SKI: variants seen among roughly 807,000 people sequenced by gnomAD.
SKI encodes ski oncogene.
SKI carries 23 observed loss-of-function variants against 59.3 expected under a neutral mutation model. The ratio of observed to expected loss-of-function variants is 0.39; its 90% CI spans 0.28 to 0.55. SKI has a LOEUF of 0.55. SKI is among the 20% of genes least tolerant of loss of function. The probability of loss-of-function intolerance (pLI) is 0.67; values close to 1 mark genes in which losing one functional copy is unlikely to be tolerated. For missense variants in SKI, 1,017 were observed against 1,038.9 expected (o/e 0.98, Z 0.29); for synonymous variants, 673 against 488.6 (o/e 1.38, Z -4.98).
At chr1:2,258,017 C>G (rs1193352091) in intron 1 of SKI, among the ~76,000 whole-genome samples, 1 of 152,196 alleles carries the variant, frequency 6.6e-6, no homozygotes, top group Non-Finnish European at 1.5e-5. Context: ...GGATTACAGG[C>G]TTGATCCACT....
rs184016517 is a variant in SKI, at chr1:2,249,784, T to G, written c.969+20049T>G. 1.2e-4 allele frequency among the ~76,000 whole-genome samples: 18 copies of G among 152,330 alleles called. 1 individual carries two copies. The East Asian group carries it at 3.5e-3, about 29-fold the overall frequency. ...CCACAGGTTTTGTTGGATTCGTCAA[T>G]TATGACCCAGGTTGTTGAACTGGAA... On this transcript the variant is annotated intron_variant, in intron 1 of 6. Transcript: ENST00000378536.
intron 6 of SKI, 52 bp from the exon 7 acceptor site, chr1:2,306,525 G>A: frequency 6.6e-7 from 1 of 1,515,802 alleles, no homozygotes; most frequent in Admixed American, 2.0e-5. Flanking sequence ...AGCAGCGTCG[G>A]GCCGGGGCAG....
chr1:2,272,484 A>G (rs1639646652), intron 1 of SKI, among the ~76,000 whole-genome samples: 2 of 152,206 alleles, frequency 1.3e-5, no homozygotes, highest in South Asian at 4.1e-4. Context: ...ACTGAATGGC[A>G]GTGGCCGTCC....
At chr1:2,278,311 G>A (rs1557835469) in intron 1 of SKI, among the ~76,000 whole-genome samples, 1 of 152,220 alleles carries the variant, frequency 6.6e-6, no homozygotes, top group Non-Finnish European at 1.5e-5. Context: ...GGCTTGGCTG[G>A]GCCTTACCTT....
intron 1 of SKI, among the ~76,000 whole-genome samples, chr1:2,277,666 C>T (rs2100865781): frequency 6.6e-6 from 1 of 152,150 alleles, no homozygotes; most frequent in Non-Finnish European, 1.5e-5. Context: ...GCGCACACAC[C>T]TGCACTCACA....
intron 1 of SKI, among the ~76,000 whole-genome samples, chr1:2,275,827 G>A (rs1639731578): frequency 6.6e-6 from 1 of 152,182 alleles, no homozygotes; most frequent in Non-Finnish European, 1.5e-5. Flanking sequence ...ATCTTTAAAT[G>A]TGCCTTGGAC....
chr1:2,306,861 C>T lies in SKI; in HGVS notation c.*96C>T. On this transcript the variant is annotated 3_prime_UTR_variant, in exon 7 of 7. Coordinates refer to ENST00000378536, the MANE Select transcript of SKI (RefSeq NM_003036.4). ...CGCCCGGCTCCGCCCCTGCAGCCCACACAGCACAACGTCTTACCGTGCCTA... is the reference window on the plus strand; with the variant it reads ...CGCCCGGCTCCGCCCCTGCAGCCCATACAGCACAACGTCTTACCGTGCCTA... 1.2e-6 allele frequency: 1 copy of T among 830,000 alleles called. No individual in the cohort carries two copies. The highest frequency in any genetic ancestry group is 1.6e-6 in the Non-Finnish European group (1 of 612,582). The allele number at this position is 830,000 out of a possible 1,614,324, so 51.4% of individuals were successfully genotyped here.
chr1:2,288,271 A>G (rs776435162), intron 1 of SKI, among the ~76,000 whole-genome samples: 2 of 151,574 alleles, frequency 1.3e-5, no homozygotes, highest in African/African-American at 2.4e-5. Context: ...ACAGGTGTGC[A>G]CCACCATTCC....
Position 2,304,417 on chromosome 1 carries a change from C to T in SKI, c.1599C>T (p.Asp533=), listed in dbSNP as rs758323266. 26 of 1,555,074 alleles carry T rather than the reference C, an allele frequency of 1.7e-5. No homozygotes were observed. The highest frequency in any genetic ancestry group is 5.9e-5 in the South Asian group (5 of 84,408). The part of the protein sequence containing the change: ...SAVPDAAAPA[D]APSGLEAELE... The stretch of plus-strand genomic sequence containing the variant: ...TCCCTGATGCTGCGGCCCCTGCCGA[C>T]GCCCCCAGTGGGCTGGAGGCGGAGC... Residue 533 remains aspartate (D), a synonymous_variant, in exon 5 of 7, where the codon GAC becomes GAT. Transcript: ENST00000378536.
rs898603881 is a variant in SKI at position 2,307,284 on chromosome 1, C to T, written c.*519C>T. 6.6e-6 allele frequency: 1 copy of T among 152,198 alleles called. No individual in the cohort carries two copies. The highest frequency in any genetic ancestry group is 2.4e-5 in the African/African-American group (1 of 41,268). 9.4% of individuals were successfully genotyped at this position (152,198 alleles called of 1,614,324 possible). On this transcript the variant is annotated 3_prime_UTR_variant, in exon 7 of 7. Transcript: ENST00000378536. ...TCTTCAGAGTCTATTTTTTCAGCGA[C>T]AAGGACCCAGGTCTTCCTGCTGCTG... is the stretch of plus-strand genomic sequence containing the variant.
intron 1 of SKI, among the ~76,000 whole-genome samples, chr1:2,238,403 G>A (rs371797486): frequency 5.9e-5 from 9 of 152,358 alleles, no homozygotes; most frequent in East Asian, 5.8e-4. Flanking sequence ...GGACCTACAC[G>A]GTACCCAGGA....
intron 1 of SKI, among the ~76,000 whole-genome samples, chr1:2,232,826 C>G (rs1306203225): frequency 6.6e-6 from 1 of 152,150 alleles, no homozygotes; most frequent in East Asian, 1.9e-4. Flanking sequence ...TGATCTTGGA[C>G]TTTATGTTTT....
chr1:2,262,566 G>A (rs1639411656), intron 1 of SKI, among the ~76,000 whole-genome samples: 1 of 152,182 alleles, frequency 6.6e-6, no homozygotes, highest in African/African-American at 2.4e-5. Flanking sequence ...GTTTGGGTGG[G>A]AGTGGTGGGC....
chr1:2,307,201 C>T lies in SKI; in HGVS notation c.*436C>T, dbSNP rs912955677. 1 of 153,086 alleles carries T rather than the reference C, an allele frequency of 6.5e-6. No individual in the cohort carries two copies. The highest frequency in any genetic ancestry group is 2.4e-5 in the African/African-American group (1 of 41,238). 9.5% of individuals were successfully genotyped at this position (153,086 alleles called of 1,614,324 possible). On this transcript the variant is annotated 3_prime_UTR_variant, in exon 7 of 7. Coordinates refer to ENST00000378536, the MANE Select transcript of SKI (RefSeq NM_003036.4). ...GGTGGCGGCCGCCCCACCCTCCCCA[C>T]CCGGGGAAGCCATCACAGCTCATCT...
intron 1 of SKI, among the ~76,000 whole-genome samples, chr1:2,287,068 C>T (rs12120270): frequency 0.11 from 17,326 of 152,004 alleles, 1,003 homozygotes; most frequent in Middle Eastern, 0.25. Context: ...GTGGTCCAGC[C>T]GTGAGTGTCC....
Position 2,303,987 on chromosome 1 carries a change from G to C in SKI, c.1359G>C (p.Arg453=), listed in dbSNP as rs769819108. The change falls in exon 4 of 7, where the codon CGG becomes CGC. Residue 453 remains arginine, a synonymous_variant. Transcript: ENST00000378536. The surrounding 1 kb of genome is among the most constrained non-coding windows in gnomAD (Gnocchi z 5.6). Reference sequence around the variant, plus strand: ...CTCTCGCCACTTGCACCCAGCCTCGGAAGCGGAAGCTGACTGTGGACACCC... The same window carrying C: ...CTCTCGCCACTTGCACCCAGCCTCGCAAGCGGAAGCTGACTGTGGACACCC... ...PEPLATCTQP[R]KRKLTVDTPG... The C allele has an allele frequency of 1.2e-6, 2 of 1,612,516 alleles. No individual in the cohort carries two copies. Among genetic ancestry groups the C allele is most frequent in the Non-Finnish European group, 8.5e-7 (1 of 1,179,852 alleles).
rs1639547530 is a variant in SKI at position 2,268,556 on chromosome 1, C to T, written c.970-34422C>T. On this transcript the variant is annotated intron_variant, in intron 1 of 6. Coordinates refer to ENST00000378536, the MANE Select transcript of SKI (RefSeq NM_003036.4). This position sits in a 1 kb window ranked among gnomAD's most constrained non-coding sequence, Gnocchi z 5.0. ...TGCTGAGCCGTCACTGCAGGGCAGC[C>T]ATGGCCCATTTGGCTGGTGCTGAGA... Among the ~76,000 whole-genome samples the T allele has an allele frequency of 6.6e-6, 1 of 152,232 alleles. No individual in the cohort carries two copies. The highest frequency in any genetic ancestry group is 2.1e-4 in the South Asian group (1 of 4,832).
intron 1 of SKI, among the ~76,000 whole-genome samples, chr1:2,263,424 G>T (rs1417767615): frequency 6.7e-6 from 1 of 150,296 alleles, no homozygotes; most frequent in Non-Finnish European, 1.5e-5. Context: ...TTTTAATAGA[G>T]ACGGGGTTTC....
At chr1:2,289,169 A>G (rs2100890587) in intron 1 of SKI, among the ~76,000 whole-genome samples, 1 of 152,272 alleles carries the variant, frequency 6.6e-6, no homozygotes, top group Middle Eastern at 3.4e-3. Flanking sequence ...AAGCACACAG[A>G]AGGCAGAGGC....
Sources: allele counts gnomAD v4.1 joint callset (sites outside exome capture counted in the v4.1 genomes callset), GRCh38; gene constraint gnomAD v4.1.1; non-coding constraint Gnocchi (gnomAD v3.1); transcripts MANE v1.5; gene names NCBI Gene and HGNC (gene_info 2026-07-23, HGNC 2026-07-21).